Variants in PRKG1 observed in about 807,000 individuals in gnomAD.
The protein encoded by PRKG1 is cGMP-dependent protein kinase 1.
PRKG1 carries 35 observed loss-of-function variants against 88.1 expected under a neutral mutation model. The ratio of observed to expected loss-of-function variants is 0.40; its 90% CI spans 0.30 to 0.53. The LOEUF (loss-of-function observed/expected upper bound fraction) is 0.53, where lower values mean the gene tolerates loss of function less well. Ranked by LOEUF, PRKG1 falls within the 20% of genes least tolerant of loss-of-function variation. The pLI is 0.59. For synonymous variants in PRKG1, 303 were observed against 292.5 expected, an observed-to-expected ratio of 1.04 and a Z score of -0.37; for missense variants, 540 against 839.8, an observed-to-expected ratio of 0.64 and a Z score of 4.41.
intron 5 of PRKG1, among the ~76,000 whole-genome samples, chr10:52,044,645 C>T (rs747507971): frequency 8.5e-5 from 13 of 152,162 alleles, no homozygotes; most frequent in Admixed American, 5.9e-4. Context: ...TTTACATGCA[C>T]AAACCAAACA....
chr10:51,837,280 A>G (rs1424109972), intron 4 of PRKG1, among the ~76,000 whole-genome samples: 1 of 152,146 alleles, frequency 6.6e-6, no homozygotes, highest in Non-Finnish European at 1.5e-5. Flanking sequence ...TCTAAATAAA[A>G]CATTTAGAGT....
chr10:51,915,007 A>G (rs74135038), intron 5 of PRKG1, among the ~76,000 whole-genome samples: 2,872 of 152,188 alleles, frequency 0.019, 86 homozygotes, highest in African/African-American at 0.064. Flanking sequence ...CATTCCAGGG[A>G]CCCTCTTGGG....
At chr10:51,386,356 G>T (rs1450896460) in intron 2 of PRKG1, among the ~76,000 whole-genome samples, 1 of 152,112 alleles carries the variant, frequency 6.6e-6, no homozygotes, top group Non-Finnish European at 1.5e-5. Flanking sequence ...AAATTCCTAA[G>T]ATCTGCAGTT....
At chr10:51,566,649 A>G (rs866594726) in intron 3 of PRKG1, among the ~76,000 whole-genome samples, 1 of 152,032 alleles carries the variant, frequency 6.6e-6, no homozygotes, top group African/African-American at 2.4e-5. Context: ...GAATTAAATT[A>G]TAAAGAGTCA....
chr10:51,646,385 C>T (rs1003261677), intron 3 of PRKG1, among the ~76,000 whole-genome samples: 1 of 151,756 alleles, frequency 6.6e-6, no homozygotes, highest in African/African-American at 2.4e-5. Context: ...CTTCCTCTAA[C>T]CCTCTTCTTC....
At chr10:51,260,624 A>C (rs746601216) in intron 2 of PRKG1, among the ~76,000 whole-genome samples, 5 of 152,176 alleles carry the variant, frequency 3.3e-5, no homozygotes, top group Non-Finnish European at 7.3e-5. Context: ...TTCCTGCTGA[A>C]ATGTCCATCT....
intron 3 of PRKG1, among the ~76,000 whole-genome samples, chr10:51,718,438 A>G (rs944069821): frequency 1.3e-5 from 2 of 152,160 alleles, no homozygotes; most frequent in African/African-American, 4.8e-5. Flanking sequence ...AGATGCATCA[A>G]GCTAGGTGCA....
At chr10:51,014,731 T>C (rs1395497552) in intron 1 of PRKG1, among the ~76,000 whole-genome samples, 1 of 152,132 alleles carries the variant, frequency 6.6e-6, no homozygotes. Flanking sequence ...CAATTACATG[T>C]TTGTTTTACA....
intron 4 of PRKG1, among the ~76,000 whole-genome samples, chr10:51,894,991 T>C (rs1319221379): frequency 6.6e-6 from 1 of 152,176 alleles, no homozygotes; most frequent in African/African-American, 2.4e-5. Context: ...GGAAGATGCC[T>C]AACTGATGAG....
chr10:51,227,764 G>A (rs1339272858), intron 2 of PRKG1, among the ~76,000 whole-genome samples: 1 of 152,192 alleles, frequency 6.6e-6, no homozygotes, highest in Non-Finnish European at 1.5e-5. Context: ...TAGTGTTGCT[G>A]AGATCAGGTA....
rs562373178 is a variant in PRKG1, at chr10:51,803,717, TG to T, written c.593-867del. On this transcript the variant is annotated intron_variant, in intron 3 of 17. Coordinates refer to ENST00000373980, the MANE Select transcript of PRKG1 (RefSeq NM_006258.4). ...TTCCCCATGACTATGATATTTGAAT[TG>T]TTTTTTTTTAGTTCATTTGCTAGCT... 3.6e-3 allele frequency among the ~76,000 whole-genome samples: 542 copies of T among 151,958 alleles called. 2 individuals carry two copies. Among genetic ancestry groups the T allele is most frequent in the African/African-American group, 0.013 (527 of 41,276 alleles).
intron 2 of PRKG1, among the ~76,000 whole-genome samples, chr10:51,183,133 T>C (rs924541738): frequency 3.3e-5 from 5 of 152,192 alleles, no homozygotes; most frequent in African/African-American, 1.2e-4. Flanking sequence ...GTAGAAATAT[T>C]CAAGTTATTA....
chr10:51,016,676 T>C (rs796959912), intron 1 of PRKG1, among the ~76,000 whole-genome samples: 15 of 89,540 alleles, frequency 1.7e-4, no homozygotes, highest in South Asian at 7.7e-4. Flanking sequence ...ATCCTTTCTT[T>C]TTTTTTTTTT....
chr10:50,999,248 A>T (rs1214831545), intron 1 of PRKG1, among the ~76,000 whole-genome samples: 1 of 152,058 alleles, frequency 6.6e-6, no homozygotes, highest in African/African-American at 2.4e-5. Flanking sequence ...TTATTCAAGG[A>T]TTTGATTTGG....
intron 3 of PRKG1, among the ~76,000 whole-genome samples, chr10:51,572,113 G>A (rs75979399): frequency 0.055 from 8,322 of 151,870 alleles, 347 homozygotes; most frequent in Middle Eastern, 0.088. Context: ...TTTTCAAAAA[G>A]CAATTTGCTT....
chr10:51,642,507 G>T (rs1010926808), intron 3 of PRKG1, among the ~76,000 whole-genome samples: 1 of 152,192 alleles, frequency 6.6e-6, no homozygotes, highest in African/African-American at 2.4e-5. Context: ...CATTTTTTGG[G>T]CAAGGACATA....
chr10:51,433,996 A>G (rs1331159589), intron 2 of PRKG1, among the ~76,000 whole-genome samples: 6 of 152,212 alleles, frequency 3.9e-5, no homozygotes, highest in Admixed American at 1.3e-4. Flanking sequence ...GGACTTTCCT[A>G]GGTGCCCCTG....
rs573148657 is a variant in PRKG1, at chr10:51,849,820, A to G, written c.698+45130A>G. ...TAACTTTCAAACTTATCACATTCAAACAGGGGCAGACTCAGGTTTGATGGG... is the reference window on the plus strand; with the variant it reads ...TAACTTTCAAACTTATCACATTCAAGCAGGGGCAGACTCAGGTTTGATGGG... On this transcript the variant is annotated intron_variant, in intron 4 of 17. Coordinates refer to ENST00000373980, the MANE Select transcript of PRKG1 (RefSeq NM_006258.4). 2.0e-5 allele frequency among the ~76,000 whole-genome samples: 3 copies of G among 152,284 alleles called. No homozygotes were observed. The East Asian group carries it at 5.8e-4, about 29-fold the overall frequency.
intron 7 of PRKG1, among the ~76,000 whole-genome samples, chr10:52,080,726 CT>C (rs993338618): frequency 9.9e-5 from 15 of 151,840 alleles, no homozygotes; most frequent in Admixed American, 2.6e-4. Context: ...TTATTTTCTC[CT>C]TTTTTTATTA....
Sources: allele counts gnomAD v4.1 joint callset (sites outside exome capture counted in the v4.1 genomes callset), GRCh38; gene constraint gnomAD v4.1.1; transcripts MANE v1.5; gene names NCBI Gene and HGNC (gene_info 2026-07-23, HGNC 2026-07-21).